The following NLK variants were observed in gnomAD, a reference collection of about 807,000 sequenced individuals.
NLK encodes the protein serine/threonine-protein kinase NLK.
Under a neutral mutation model 59.0 loss-of-function variants are expected in NLK, and 11 were observed. That is an observed-to-expected ratio of 0.19 (90% CI 0.12 to 0.31). NLK has a LOEUF of 0.31. Among genes scored for constraint, NLK ranks in the 10% least tolerant of loss-of-function variants. The pLI is 1.00. For synonymous variants in NLK, 235 were observed against 235.9 expected (o/e 1.00, Z 0.03); for missense variants, 410 against 661.1 (o/e 0.62, Z 4.16).
chr17:28,186,303 G>T (rs573901926), intron 8 of NLK, among the ~76,000 whole-genome samples: 2 of 152,006 alleles, frequency 1.3e-5, no homozygotes, highest in South Asian at 4.2e-4. Context: ...TTCTGTTAAG[G>T]AGTTCAGGTT....
intron 3 of NLK, among the ~76,000 whole-genome samples, chr17:28,155,817 A>G (rs1229169274): frequency 2.0e-5 from 3 of 152,152 alleles, no homozygotes; most frequent in African/African-American, 4.8e-5. Context: ...CATTAGAAGA[A>G]ATACCTAATG....
Position 28,061,877 on chromosome 17 carries a change from TA to T in NLK, c.458+18548del, listed in dbSNP as rs1909662624. The T allele has an allele frequency of 9.6e-5, 14 of 145,160 alleles. No homozygotes were observed. The South Asian group carries it at 2.7e-3, about 28-fold the overall frequency. 9.0% of individuals were successfully genotyped at this position (145,160 alleles called of 1,614,324 possible). A position where few individuals can be genotyped will look rare whatever the true frequency, so the allele number is the denominator to read the frequency against. On this transcript the variant is annotated intron_variant, in intron 1 of 10. Transcript: ENST00000407008. ...TATAATATATACATATACATATATA[TA>T]ATATATACATATATACATATACATA...
chr17:28,141,476 T>A (rs1156365928), intron 3 of NLK, among the ~76,000 whole-genome samples: 2 of 152,224 alleles, frequency 1.3e-5, no homozygotes, highest in South Asian at 2.1e-4. Context: ...CTTGTAACAC[T>A]GGTAGCAGTC....
chr17:28,158,809 A>C (rs1907889580), intron 3 of NLK, among the ~76,000 whole-genome samples: 1 of 152,114 alleles, frequency 6.6e-6, no homozygotes, highest in Non-Finnish European at 1.5e-5. Context: ...AGTTTTTTGT[A>C]GAGTTGAGGT....
chr17:28,108,478 C>T (rs144402384), intron 1 of NLK, among the ~76,000 whole-genome samples: 27 of 151,978 alleles, frequency 1.8e-4, no homozygotes, highest in African/African-American at 6.3e-4. Context: ...TGTTATATAT[C>T]CAGAAAATCT....
At chr17:28,117,376 G>A (rs911071753) in intron 1 of NLK, among the ~76,000 whole-genome samples, 21 of 152,176 alleles carry the variant, frequency 1.4e-4, no homozygotes, top group African/African-American at 5.1e-4. Flanking sequence ...CTAAGTACTT[G>A]AAAATAAATA....
At chr17:28,169,445 C>T (rs1908374308) in intron 6 of NLK, among the ~76,000 whole-genome samples, 1 of 152,142 alleles carries the variant, frequency 6.6e-6, no homozygotes, top group South Asian at 2.1e-4. Flanking sequence ...TGGCAGAGAA[C>T]ATCAGGAGAT....
At chr17:28,052,722 A>C (rs1236691527) in intron 1 of NLK, among the ~76,000 whole-genome samples, 1 of 152,172 alleles carries the variant, frequency 6.6e-6, no homozygotes. Flanking sequence ...ACATGTATTC[A>C]CTATAAAAAT....
chr17:28,141,968 C>T (rs183421165), intron 3 of NLK, among the ~76,000 whole-genome samples: 90 of 152,238 alleles, frequency 5.9e-4, no homozygotes, highest in Non-Finnish European at 9.4e-4. Context: ...AGGGTTATGA[C>T]GGTGGAAGAT....
intron 3 of NLK, among the ~76,000 whole-genome samples, chr17:28,142,931 G>A (rs1907070267): frequency 6.6e-6 from 1 of 152,116 alleles, no homozygotes; most frequent in African/African-American, 2.4e-5. Context: ...GCTTGAGGGG[G>A]CCAGGCTTGG....
intron 1 of NLK, among the ~76,000 whole-genome samples, chr17:28,061,288 A>T (rs544971884): frequency 6.6e-6 from 1 of 152,376 alleles, no homozygotes; most frequent in African/African-American, 2.4e-5. Context: ...CCTTAAAGTT[A>T]GAAGCAAATT....
At chr17:28,205,923 G>A in the NLK span, among the ~76,000 whole-genome samples, 1 of 152,108 alleles carries the variant, frequency 6.6e-6, no homozygotes, top group African/African-American at 2.4e-5. Flanking sequence ...AGCATTTTAG[G>A]TGCTCTTTTA....
At chr17:28,197,958 A>T (rs991205021), downstream of NLK, among the ~76,000 whole-genome samples, 1 of 152,218 alleles carries the variant, frequency 6.6e-6, no homozygotes, top group African/African-American at 2.4e-5. Flanking sequence ...CTAAAAGCAG[A>T]TCTCCAAGAA....
At chr17:28,057,554 A>G (rs995601681) in intron 1 of NLK, among the ~76,000 whole-genome samples, 3 of 152,196 alleles carry the variant, frequency 2.0e-5, no homozygotes, top group Non-Finnish European at 4.4e-5. Flanking sequence ...CCATTCTACA[A>G]ACTTTTTTTT....
chr17:28,157,959 A>G (rs1200316683), intron 3 of NLK, among the ~76,000 whole-genome samples: 1 of 152,238 alleles, frequency 6.6e-6, no homozygotes, highest in Non-Finnish European at 1.5e-5. Context: ...AGAGTTTAGG[A>G]TAAATTTGTG....
intron 3 of NLK, among the ~76,000 whole-genome samples, chr17:28,154,510 A>G (rs556624176): frequency 1.8e-3 from 269 of 152,324 alleles, no homozygotes; most frequent in Non-Finnish European, 2.8e-3. Flanking sequence ...ACAGAGCTAC[A>G]TTATAGTGAA....
rs1411701798 is a variant in NLK, at chr17:28,145,118, G to C, written c.644+12443G>C. Among the ~76,000 whole-genome samples, 7 of 152,306 alleles carry C rather than the reference G, an allele frequency of 4.6e-5. No individual in the cohort carries two copies. The East Asian group carries it at 1.3e-3, about 29-fold the overall frequency. Reference sequence around the variant, plus strand: ...TTTAATTGATAGTTTACATCACTTAGAGGTGGCAAGAGAACCAGATGGTAG... The same window carrying C: ...TTTAATTGATAGTTTACATCACTTACAGGTGGCAAGAGAACCAGATGGTAG... On this transcript the variant is annotated intron_variant, in intron 3 of 10. Transcript: ENST00000407008.
intron 1 of NLK, among the ~76,000 whole-genome samples, chr17:28,060,963 A>G (rs553850423): frequency 1.3e-5 from 2 of 152,318 alleles, no homozygotes; most frequent in African/African-American, 4.8e-5. Flanking sequence ...AGCAACCTAA[A>G]TGTCTATGAG....
At chr17:28,202,197 G>A in the NLK span, among the ~76,000 whole-genome samples, 1 of 152,282 alleles carries the variant, frequency 6.6e-6, no homozygotes, top group Non-Finnish European at 1.5e-5. Flanking sequence ...AGGAGTTCAA[G>A]ACCAGCCTGA....
Sources: allele counts gnomAD v4.1 joint callset (sites outside exome capture counted in the v4.1 genomes callset), GRCh38; gene constraint gnomAD v4.1.1; transcripts MANE v1.5; gene names NCBI Gene and HGNC (gene_info 2026-07-23, HGNC 2026-07-21).